Variants in KHDRBS2 observed in about 807,000 individuals in gnomAD.
KHDRBS2 encodes the protein KH RNA binding domain containing, signal transduction associated 2.
A neutral mutation model predicts 44.3 loss-of-function variants in KHDRBS2; 26 were observed. That is an observed-to-expected ratio of 0.59 (90% CI 0.43 to 0.81). The LOEUF (loss-of-function observed/expected upper bound fraction) is 0.81, where lower values mean the gene tolerates loss of function less well. KHDRBS2 is among the 40% of genes least tolerant of loss of function. The pLI is 0.00. For synonymous variants in KHDRBS2, 194 were observed against 151.1 expected (o/e 1.28, Z -2.08); for missense variants, 476 against 433.1 (o/e 1.10, Z -0.88).
chr6:61,772,119 A>G (rs868314921), intron 6 of KHDRBS2, among the ~76,000 whole-genome samples: 3 of 152,338 alleles, frequency 2.0e-5, no homozygotes, highest in African/African-American at 7.2e-5. Context: ...GTTCTTTGAA[A>G]CTGACGAGAA....
chr6:62,086,139 T>A (rs1400647398), intron 2 of KHDRBS2, among the ~76,000 whole-genome samples: 1 of 152,140 alleles, frequency 6.6e-6, no homozygotes, highest in East Asian at 1.9e-4. Context: ...ATTTGCCAAT[T>A]TTCAGTGACG....
At chr6:62,245,633 G>A (rs1417991133) in intron 1 of KHDRBS2, among the ~76,000 whole-genome samples, 6 of 152,068 alleles carry the variant, frequency 3.9e-5, no homozygotes, top group Admixed American at 2.6e-4. Context: ...ATGCCAGTCT[G>A]TTGAAGACAG....
intron 4 of KHDRBS2, among the ~76,000 whole-genome samples, chr6:61,957,099 T>C (rs558895689): frequency 6.6e-6 from 1 of 152,198 alleles, no homozygotes; most frequent in Non-Finnish European, 1.5e-5. Flanking sequence ...GAACATAAAT[T>C]GTGAAGATTT....
At chr6:62,157,500 G>C (rs1052240603) in intron 2 of KHDRBS2, among the ~76,000 whole-genome samples, 1 of 151,972 alleles carries the variant, frequency 6.6e-6, no homozygotes, top group Non-Finnish European at 1.5e-5. Flanking sequence ...CAGTTTTTGG[G>C]GTAATAAGCA....
chr6:61,827,199 C>T (rs1791019306), intron 6 of KHDRBS2, among the ~76,000 whole-genome samples: 1 of 152,182 alleles, frequency 6.6e-6, no homozygotes, highest in Non-Finnish European at 1.5e-5. Context: ...TAGCTCTGCA[C>T]TAGACGACTT....
chr6:61,993,102 G>T lies in KHDRBS2; in HGVS notation c.337-14890C>A, dbSNP rs545527553. 2.0e-5 allele frequency among the ~76,000 whole-genome samples: 3 copies of T among 152,262 alleles called. No individual in the cohort carries two copies. In the South Asian group the frequency reaches 6.2e-4, roughly 32 times the overall value. ...TTTGCAGAATGTTTTCTCAAAGTCT[G>T]CAAAATTGATGTTTTTGGGAAAAGT... On this transcript the variant is annotated intron_variant, in intron 3 of 8. Transcript: ENST00000281156.
chr6:61,830,018 A>G (rs1791540688), intron 6 of KHDRBS2, among the ~76,000 whole-genome samples: 1 of 152,194 alleles, frequency 6.6e-6, no homozygotes, highest in South Asian at 2.1e-4. Context: ...CAAGTTGTCT[A>G]CTACTCTGAA....
rs569673927 is a variant in KHDRBS2 at position 62,129,383 on chromosome 6, C to A, written c.219+47802G>T. Among the ~76,000 whole-genome samples the A allele has an allele frequency of 1.4e-4, 21 of 152,072 alleles. No homozygotes were observed. The South Asian group carries it at 1.7e-3, about 12-fold the overall frequency. ...GAAAGTTCCAAGGTGAAAAAAAGTGCAGTCATGAAAAATATAACACAGGAA... is the reference window on the plus strand; with the variant it reads ...GAAAGTTCCAAGGTGAAAAAAAGTGAAGTCATGAAAAATATAACACAGGAA... On this transcript the variant is annotated intron_variant, in intron 2 of 8. Transcript: ENST00000281156.
intron 6 of KHDRBS2, among the ~76,000 whole-genome samples, chr6:61,875,238 T>C (rs548405821): frequency 9.9e-5 from 15 of 151,256 alleles, no homozygotes; most frequent in Non-Finnish European, 1.9e-4. Flanking sequence ...CAGAAAGAAT[T>C]CCATGCAGAG....
intron 3 of KHDRBS2, among the ~76,000 whole-genome samples, chr6:61,981,016 C>T (rs927300260): frequency 6.6e-6 from 1 of 152,086 alleles, no homozygotes; most frequent in African/African-American, 2.4e-5. Flanking sequence ...CTCATAAATA[C>T]ATATAGCTTT....
At chr6:62,033,508 G>T (rs10455201) in intron 3 of KHDRBS2, among the ~76,000 whole-genome samples, 3 of 151,688 alleles carry the variant, frequency 2.0e-5, no homozygotes, top group African/African-American at 4.8e-5. Flanking sequence ...AAATACATCC[G>T]GCAGCAGACT....
chr6:61,780,323 A>T (rs539668304), intron 6 of KHDRBS2, among the ~76,000 whole-genome samples: 12 of 152,126 alleles, frequency 7.9e-5, no homozygotes, highest in Non-Finnish European at 1.3e-4. Context: ...AACATGGTGA[A>T]ACCCCATCTC....
At chr6:61,676,780 G>A (rs193071506), downstream of KHDRBS2, among the ~76,000 whole-genome samples, 1 of 151,840 alleles carries the variant, frequency 6.6e-6, no homozygotes, top group Admixed American at 6.6e-5. Flanking sequence ...ACCCATCTGA[G>A]GCTTTTATTG....
chr6:62,239,942 C>A (rs529457515), intron 1 of KHDRBS2, among the ~76,000 whole-genome samples: 1 of 152,220 alleles, frequency 6.6e-6, no homozygotes, highest in African/African-American at 2.4e-5. Context: ...ACCTTGGCCT[C>A]CCAAAGTGCT....
At chr6:61,668,942 G>C in the KHDRBS2 span, among the ~76,000 whole-genome samples, 1 of 151,010 alleles carries the variant, frequency 6.6e-6, no homozygotes, top group South Asian at 2.1e-4. Context: ...AAACAAATAA[G>C]TAACCATGAC....
intron 5 of KHDRBS2, among the ~76,000 whole-genome samples, chr6:61,898,170 T>C (rs1347972080): frequency 2.0e-5 from 3 of 152,074 alleles, no homozygotes; most frequent in Non-Finnish European, 4.4e-5. Context: ...AATAACTTCA[T>C]AAAGTAATAA....
At chr6:62,222,187 A>AT (rs1831010134) in intron 1 of KHDRBS2, among the ~76,000 whole-genome samples, 1 of 152,074 alleles carries the variant, frequency 6.6e-6, no homozygotes, top group African/African-American at 2.4e-5. Context: ...AGTATTTTGC[A>AT]TGAATACTGC....
chr6:62,093,195 T>G (rs1289402168), intron 2 of KHDRBS2, among the ~76,000 whole-genome samples: 1 of 147,112 alleles, frequency 6.8e-6, no homozygotes, highest in African/African-American at 2.5e-5. Context: ...ACTAAGAAAA[T>G]GGAGAAATTA....
chr6:62,203,420 C>G (rs2150139922), intron 1 of KHDRBS2, among the ~76,000 whole-genome samples: 1 of 152,094 alleles, frequency 6.6e-6, no homozygotes, highest in East Asian at 1.9e-4. Flanking sequence ...AGATAAATTT[C>G]AAAATACTAA....
Sources: allele counts gnomAD v4.1 joint callset (sites outside exome capture counted in the v4.1 genomes callset), GRCh38; gene constraint gnomAD v4.1.1; transcripts MANE v1.5; gene names NCBI Gene and HGNC (gene_info 2026-07-23, HGNC 2026-07-21).